The following TUBGCP5 variants were observed in gnomAD, a reference collection of about 807,000 sequenced individuals.
The protein encoded by TUBGCP5 is tubulin gamma complex component 5.
In TUBGCP5, 98 loss-of-function variants were observed where a neutral mutation model predicts 134.7. The ratio of observed to expected loss-of-function variants is 0.73; its 90% CI spans 0.62 to 0.86. The LOEUF is 0.86. Ranked by LOEUF, TUBGCP5 falls within the 40% of genes least tolerant of loss-of-function variation. The pLI is 0.00. For missense variants in TUBGCP5, 1,150 were observed against 1,244.8 expected (o/e 0.92, Z 1.15); for synonymous variants, 456 against 431.4 (o/e 1.06, Z -0.71).
chr15:23,000,507 G>A (rs772637295), intron 22 of TUBGCP5, 62 bp downstream of exon 22: 7 of 1,569,096 alleles, frequency 4.5e-6, no homozygotes, highest in Non-Finnish European at 5.2e-6. Context: ...ACAAAACAAT[G>A]ACACATACAC....
chr15:22,999,913 G>C, intron 22 of TUBGCP5, 47 bp from the exon 23 acceptor site: 1 of 1,597,834 alleles, frequency 6.3e-7, no homozygotes, highest in South Asian at 1.1e-5. Flanking sequence ...TTTAAATGTT[G>C]AAAAAAAATT....
chr15:22,996,463 T>A (rs1187750461), downstream of TUBGCP5, among the ~76,000 whole-genome samples: 2 of 152,166 alleles, frequency 1.3e-5, no homozygotes, highest in African/African-American at 4.8e-5. Context: ...GGGAACATAG[T>A]TAAGACTTCA....
Position 23,013,424 on chromosome 15 carries a change from C to T in TUBGCP5, c.1757-2093G>A, listed in dbSNP as rs779490544. Among the ~76,000 whole-genome samples, 77 of 151,386 alleles carry T rather than the reference C, an allele frequency of 5.1e-4. No homozygotes were observed. Among genetic ancestry groups the T allele is most frequent in the Non-Finnish European group, 8.8e-4 (60 of 67,814 alleles). Reference sequence around the variant, plus strand: ...TCGCGCCGCTGCACTCCAGCCTGGGCGACAGGGAAAGACTCCGTCTCAAAA... The same window carrying T: ...TCGCGCCGCTGCACTCCAGCCTGGGTGACAGGGAAAGACTCCGTCTCAAAA... On this transcript the variant is annotated intron_variant, in intron 13 of 22. Transcript: ENST00000615383. This position sits in a 1 kb window ranked among gnomAD's most constrained non-coding sequence, Gnocchi z 4.5.
At position 23,030,952 on chromosome 15, in the gene TUBGCP5, C is replaced by G. The variant is rs1272179217; in HGVS notation, c.555G>C (p.Gln185His). ...QPLSREDSGI[Q>H]VDRTPLEEQD... ...GTTCTTCTAACGGTGTCCTGTCTAC[C>G]TGAATTCCAGAGTCCTCTCTGCTTA... Residue 185 changes from glutamine (Q) to histidine (H), a missense_variant, in exon 6 of 23, where the codon CAG becomes CAC. By Grantham distance (24) the Gln-to-His change is conservative. Around this residue, in one of 2 missense-constraint regions of TUBGCP5, gnomAD observed 453 missense variants for 394.7 expected, o/e 1.15. Transcript: ENST00000615383. 2 of 1,613,602 alleles carry G rather than the reference C, an allele frequency of 1.2e-6. No homozygotes were observed. The highest frequency in any genetic ancestry group is 3.3e-5 in the Admixed American group (2 of 59,878).
intron 13 of TUBGCP5, 50 bp from the exon 14 acceptor site, chr15:23,011,381 TTAAG>T (rs1395023654): frequency 5.3e-6 from 7 of 1,318,852 alleles, no homozygotes; most frequent in African/African-American, 4.4e-5. Flanking sequence ...TTTAATCATA[TTAAG>T]TAACATTCTG....
At chr15:23,037,301 C>G (rs752199538) in intron 1 of TUBGCP5, 149 bp from the exon 2 acceptor site, 1 of 745,368 alleles carries the variant, frequency 1.3e-6, no homozygotes, top group Non-Finnish European at 2.3e-6. Context: ...CCTCCACCAT[C>G]AGGCAGGCAA....
rs769719836 is a variant in TUBGCP5 at position 23,010,065 on chromosome 15, G to A, written c.2024C>T (p.Ser675Leu). The change falls in exon 15 of 23, where the codon TCG becomes TTG. Residue 675 changes from serine to leucine, a missense_variant. Physicochemically the swap from Ser to Leu is moderately radical, Grantham distance 145. Around this residue, in one of 2 missense-constraint regions of TUBGCP5, gnomAD observed 697 missense variants for 850.1 expected, o/e 0.82. Coordinates refer to ENST00000615383, the MANE Select transcript of TUBGCP5 (RefSeq NM_052903.6). Reference sequence around the variant, plus strand: ...AAAAGTCTGGCATGTCACAGATTCCGATGATCTATCCACACATACATCACC... The same window carrying A: ...AAAAGTCTGGCATGTCACAGATTCCAATGATCTATCCACACATACATCACC... ...AGGDVCVDRS[S>L]ESVTCQTFEL... 1.9e-6 allele frequency: 3 copies of A among 1,614,108 alleles called. No homozygotes were observed. Among genetic ancestry groups the A allele is most frequent in the East Asian group, 2.2e-5 (1 of 44,878 alleles).
Position 23,017,853 on chromosome 15 carries a change from A to T in TUBGCP5, c.1676T>A (p.Ile559Asn), listed in dbSNP as rs775952603. The T allele has an allele frequency of 6.2e-7, 1 of 1,614,020 alleles. No individual in the cohort carries two copies. The highest frequency in any genetic ancestry group is 1.1e-5 in the South Asian group (1 of 91,072). The change falls in exon 13 of 23, where the codon ATC becomes AAC. Residue 559 changes from isoleucine (I) to asparagine (N), a missense_variant. Ile to Asn is a moderately radical substitution (Grantham distance 149). Around this residue, in one of 2 missense-constraint regions of TUBGCP5, gnomAD observed 697 missense variants for 850.1 expected, o/e 0.82. Transcript: ENST00000615383. Reference protein sequence around the residue: ...VSFLKPVLKQIIMAGKSMQLL... With the variant: ...VSFLKPVLKQNIMAGKSMQLL... ...CTGCATCGACTTGCCAGCCATTATGATCTGCTTCAGGACAGGTTTGAGGAA... is the reference window on the plus strand; with the variant it reads ...CTGCATCGACTTGCCAGCCATTATGTTCTGCTTCAGGACAGGTTTGAGGAA...
chr15:23,036,869 A>G, intron 3 of TUBGCP5, 28 bp downstream of exon 3: 2 of 1,347,762 alleles, frequency 1.5e-6, no homozygotes, highest in Non-Finnish European at 2.1e-6. Context: ...TAAAATACAC[A>G]GTGGAGATCT....
Position 23,008,693 on chromosome 15 carries a change from T to G in TUBGCP5, c.2327+6A>C. 6.2e-7 allele frequency: 1 copy of G among 1,605,922 alleles called. No individual in the cohort carries two copies. Among genetic ancestry groups the G allele is most frequent in the Non-Finnish European group, 8.5e-7 (1 of 1,178,150 alleles). Reference sequence around the variant, plus strand: ...AATTTAAATAAAGGTGGCGTCCATATTTTACCGTGAACTATCTTCAGGATA... The same window carrying G: ...AATTTAAATAAAGGTGGCGTCCATAGTTTACCGTGAACTATCTTCAGGATA... On this transcript the variant is annotated splice_donor_region_variant and intron_variant, in intron 16 of 22. Coordinates refer to ENST00000615383, the MANE Select transcript of TUBGCP5 (RefSeq NM_052903.6).
chr15:23,016,600 T>C (rs1202334463), intron 13 of TUBGCP5, among the ~76,000 whole-genome samples: 1 of 151,726 alleles, frequency 6.6e-6, no homozygotes, highest in Non-Finnish European at 1.5e-5. Context: ...TCACTAATTA[T>C]TAGGGAAAAT....
At chr15:23,015,913 A>G (rs1182784402) in intron 13 of TUBGCP5, among the ~76,000 whole-genome samples, 2 of 152,234 alleles carry the variant, frequency 1.3e-5, no homozygotes, top group African/African-American at 4.8e-5. Flanking sequence ...CTTTCCCACC[A>G]GATGTGTAGA....
At chr15:22,986,737 C>CAA (rs35935898) in intron 23 of TUBGCP5, among the ~76,000 whole-genome samples, 67 of 126,642 alleles carry the variant, frequency 5.3e-4, no homozygotes, top group Non-Finnish European at 6.2e-4. Context: ...GACTCTGTCT[C>CAA]AAAAAAAAAA....
intron 16 of TUBGCP5, among the ~76,000 whole-genome samples, chr15:23,007,654 A>G (rs2064801949): frequency 6.6e-6 from 1 of 152,156 alleles, no homozygotes; most frequent in African/African-American, 2.4e-5. Context: ...GACACCAGAA[A>G]TATTCTGAAA....
Position 22,999,757 on chromosome 15 carries a change from G to T in TUBGCP5, c.*63C>A, listed in dbSNP as rs1195954268. ...ATAAAAATATTTTCACTTTTCAGCT[G>T]CACATGGTGGAAATGTACATGTATG... On this transcript the variant is annotated 3_prime_UTR_variant, in exon 23 of 23. Transcript: ENST00000615383. The T allele has an allele frequency of 5.9e-6, 9 of 1,522,950 alleles. No individual in the cohort carries two copies. The highest frequency in any genetic ancestry group is 8.2e-6 in the Non-Finnish European group (9 of 1,099,586). The allele number at this position is 1,522,950 out of a possible 1,614,324, so 94.3% of individuals were successfully genotyped here.
chr15:23,026,035 GAA>G (rs1279899998), intron 8 of TUBGCP5, 79 bp downstream of exon 8: 19 of 1,173,600 alleles, frequency 1.6e-5, no homozygotes, highest in Middle Eastern at 2.3e-4. Flanking sequence ...GAAAATGCTT[GAA>G]AAGTTTCCTT....
intron 23 of TUBGCP5, among the ~76,000 whole-genome samples, chr15:22,991,260 G>A (rs2063836069): frequency 6.6e-6 from 1 of 152,024 alleles, no homozygotes; most frequent in Non-Finnish European, 1.5e-5. Context: ...ACCACACCCG[G>A]CTAATTTTCT....
In TUBGCP5 at chr15:23,021,037, C is replaced by T. The variant is rs187888323; in HGVS notation, c.1371+922G>A. 1.1e-4 allele frequency among the ~76,000 whole-genome samples: 17 copies of T among 152,268 alleles called. No homozygotes were observed. In the South Asian group the frequency reaches 1.9e-3, roughly 17 times the overall value. Reference sequence around the variant, plus strand: ...CTGAGTAGCTGGGATGACAGGTGTTCGCCACCACACTAGGCTAATGTTTGT... The same window carrying T: ...CTGAGTAGCTGGGATGACAGGTGTTTGCCACCACACTAGGCTAATGTTTGT... On this transcript the variant is annotated intron_variant, in intron 11 of 22. Transcript: ENST00000615383.
chr15:22,995,306 T>G (rs1160889634), downstream of TUBGCP5, among the ~76,000 whole-genome samples: 1 of 151,344 alleles, frequency 6.6e-6, no homozygotes, highest in Non-Finnish European at 1.5e-5. Flanking sequence ...AATTAAAAGA[T>G]CACTCAGATG....
Sources: gnomAD v4.1 joint callset for allele counts (sites outside exome capture counted in the v4.1 genomes callset) on GRCh38, gnomAD v4.1.1 for gene constraint, gnomAD v4.1.1 regional missense constraint, Gnocchi (gnomAD v3.1) non-coding constraint, MANE v1.5 for transcripts, NCBI Gene and HGNC (gene_info 2026-07-23, HGNC 2026-07-21) for gene names.